TMEM163: variants seen among roughly 807,000 people sequenced by gnomAD.
TMEM163 encodes transmembrane protein 163.
In TMEM163, 17 loss-of-function variants were observed where a neutral mutation model predicts 29.3. The observed-to-expected ratio is 0.58, with a 90% CI of 0.40 to 0.87. The LOEUF (loss-of-function observed/expected upper bound fraction) is 0.87, where lower values mean the gene tolerates loss of function less well. Ranked by LOEUF, TMEM163 falls within the 40% of genes least tolerant of loss-of-function variation. The pLI is 0.00. For synonymous variants in TMEM163, 157 were observed against 160.6 expected, an observed-to-expected ratio of 0.98 and a Z score of 0.17; for missense variants, 303 against 381.5, an observed-to-expected ratio of 0.79 and a Z score of 1.71.
chr2:134,643,100 C>T (rs1283872371), intron 2 of TMEM163, among the ~76,000 whole-genome samples: 3 of 151,970 alleles, frequency 2.0e-5, no homozygotes, highest in Non-Finnish European at 4.4e-5. Context: ...AAACCTCTAG[C>T]AATGCTGACA....
intron 2 of TMEM163, among the ~76,000 whole-genome samples, chr2:134,565,208 A>AG (rs139914967): frequency 0.16 from 25,016 of 152,146 alleles, 2,179 homozygotes; most frequent in South Asian, 0.22. Context: ...ACTGCACTCC[A>AG]GCCTGGGTGA....
At chr2:134,586,146 G>A (rs1421627393) in intron 2 of TMEM163, among the ~76,000 whole-genome samples, 1 of 152,232 alleles carries the variant, frequency 6.6e-6, no homozygotes, top group East Asian at 1.9e-4. Flanking sequence ...ACCTGTTGGA[G>A]AAATGGCTGT....
intron 5 of TMEM163, among the ~76,000 whole-genome samples, chr2:134,474,506 C>T (rs1179869994): frequency 6.6e-6 from 1 of 152,126 alleles, no homozygotes; most frequent in East Asian, 1.9e-4. Context: ...TTCATTACTT[C>T]CATTTGACTC....
Position 134,507,855 on chromosome 2 carries a change from T to TCACACACA in TMEM163, c.459-4866_459-4859dup, listed in dbSNP as rs140934225. The stretch of plus-strand genomic sequence containing the variant: ...CTGGGTGATGGAGAGAGACCCTGTC[T>TCACACACA]CACACACACACACACACAGACACAC... On this transcript the variant is annotated intron_variant, in intron 4 of 7. Transcript: ENST00000281924. Among the ~76,000 whole-genome samples the TCACACACA allele has an allele frequency of 4.0e-4, 60 of 150,676 alleles. No individual in the cohort carries two copies. In the South Asian group the frequency reaches 0.013, roughly 32 times the overall value.
intron 2 of TMEM163, among the ~76,000 whole-genome samples, chr2:134,648,134 C>A (rs181466242): frequency 1.8e-3 from 274 of 152,232 alleles, no homozygotes; most frequent in African/African-American, 6.0e-3. Flanking sequence ...AAGTGGCTCT[C>A]AGCAGGAAGG....
intron 5 of TMEM163, among the ~76,000 whole-genome samples, chr2:134,493,993 A>T (rs1679489483): frequency 6.6e-6 from 1 of 152,050 alleles, no homozygotes; most frequent in African/African-American, 2.4e-5. Flanking sequence ...GAGTACAAAG[A>T]AAGTATCAAG....
intron 2 of TMEM163, among the ~76,000 whole-genome samples, chr2:134,637,285 C>T (rs764452197): frequency 2.0e-5 from 3 of 152,196 alleles, no homozygotes; most frequent in Non-Finnish European, 4.4e-5. Context: ...TACCCCAAAG[C>T]TGTGCATGTG....
At chr2:134,629,568 T>C (rs1322824901) in intron 2 of TMEM163, among the ~76,000 whole-genome samples, 1 of 152,234 alleles carries the variant, frequency 6.6e-6, no homozygotes, top group Non-Finnish European at 1.5e-5. Context: ...CCCTTGTACC[T>C]TTCTGTTTTA....
intron 2 of TMEM163, among the ~76,000 whole-genome samples, chr2:134,554,286 C>T (rs1574233065): frequency 6.6e-6 from 1 of 151,724 alleles, no homozygotes; most frequent in African/African-American, 2.4e-5. Context: ...ATAAGCCGGG[C>T]GTGGTGGCGT....
In TMEM163 at chr2:134,526,106, C is replaced by T. The variant is rs551739105; in HGVS notation, c.459-23109G>A. 2.6e-5 allele frequency among the ~76,000 whole-genome samples: 4 copies of T among 152,344 alleles called. No homozygotes were observed. In the East Asian group the frequency reaches 5.8e-4, roughly 22 times the overall value. ...GCCAACCATGGTGCTGGGCACTAGA[C>T]CTTTCAGAGCTAGTGCAAAGCTAGA... On this transcript the variant is annotated intron_variant, in intron 4 of 7. Transcript: ENST00000281924.
At chr2:134,694,914 A>T (rs1684544832) in intron 2 of TMEM163, among the ~76,000 whole-genome samples, 1 of 152,214 alleles carries the variant, frequency 6.6e-6, no homozygotes, top group Admixed American at 6.5e-5. Context: ...AAAGGAACCC[A>T]GGTAAAAAGA....
intron 2 of TMEM163, among the ~76,000 whole-genome samples, chr2:134,676,096 T>C (rs1684107664): frequency 6.6e-6 from 1 of 152,166 alleles, no homozygotes; most frequent in African/African-American, 2.4e-5. Flanking sequence ...AGTGGCATGA[T>C]GGTCAATGTT....
chr2:134,459,567 G>C (rs625263), intron 6 of TMEM163, among the ~76,000 whole-genome samples: 79,217 of 143,760 alleles, frequency 0.55, 22,707 homozygotes, highest in African/African-American at 0.78. Flanking sequence ...TCCCCCATCT[G>C]CTACTGGCCT....
intron 4 of TMEM163, among the ~76,000 whole-genome samples, chr2:134,529,606 G>A (rs1362220741): frequency 6.6e-6 from 1 of 151,472 alleles, no homozygotes; most frequent in African/African-American, 2.4e-5. Flanking sequence ...TACAAAAATT[G>A]GCCGGGCATG....
rs1261744285 is a variant in TMEM163 at position 134,516,683 on chromosome 2, A to AG, written c.459-13687_459-13686insC. Among the ~76,000 whole-genome samples the AG allele has an allele frequency of 9.8e-4, 129 of 131,456 alleles. 1 individual carries two copies. Among genetic ancestry groups the AG allele is most frequent in the African/African-American group, 3.4e-3 (128 of 38,118 alleles). The allele number at this position is 131,456 out of a possible 152,430, so 86.2% of individuals were successfully genotyped here. A position where few individuals can be genotyped will look rare whatever the true frequency, so the allele number is the denominator to read the frequency against. ...TATTCATACATATAGTCATACATAT[A>AG]TGCATATATATGCATATATTCATAT... On this transcript the variant is annotated intron_variant, in intron 4 of 7. Coordinates refer to ENST00000281924, the MANE Select transcript of TMEM163 (RefSeq NM_030923.5).
intron 4 of TMEM163, among the ~76,000 whole-genome samples, chr2:134,514,239 G>T (rs914315272): frequency 1.3e-5 from 2 of 152,168 alleles, no homozygotes; most frequent in African/African-American, 2.4e-5. Flanking sequence ...GACCAGGTTG[G>T]TCATGTACTA....
chr2:134,500,059 A>C (rs1679665549), intron 5 of TMEM163, among the ~76,000 whole-genome samples: 1 of 152,184 alleles, frequency 6.6e-6, no homozygotes, highest in South Asian at 2.1e-4. Flanking sequence ...AGAAGACATG[A>C]TGATGATGAG....
At chr2:134,596,466 G>A (rs1348982317) in intron 2 of TMEM163, among the ~76,000 whole-genome samples, 1 of 152,066 alleles carries the variant, frequency 6.6e-6, no homozygotes, top group Non-Finnish European at 1.5e-5. Flanking sequence ...TGTTCCATTG[G>A]TCTGTATCTC....
intron 5 of TMEM163, among the ~76,000 whole-genome samples, chr2:134,474,275 G>T (rs1001118180): frequency 6.6e-6 from 1 of 152,280 alleles, no homozygotes; most frequent in South Asian, 2.1e-4. Flanking sequence ...CATCTCAATA[G>T]ATGCAGAAAA....
Sources: allele counts gnomAD v4.1 joint callset (sites outside exome capture counted in the v4.1 genomes callset), GRCh38; gene constraint gnomAD v4.1.1; transcripts MANE v1.5; gene names NCBI Gene and HGNC (gene_info 2026-07-23, HGNC 2026-07-21).